WDR31: variants seen among roughly 807,000 people sequenced by gnomAD.
The protein encoded by WDR31 is WD repeat-containing protein 31.
Under a neutral mutation model 47.3 loss-of-function variants are expected in WDR31, and 30 were observed. That is an observed-to-expected ratio of 0.63 (90% CI 0.47 to 0.86). The LOEUF is 0.86. Among genes scored for constraint, WDR31 ranks in the 40% least tolerant of loss-of-function variants. The probability of loss-of-function intolerance (pLI) is 0.00; values close to 1 mark genes in which losing one functional copy is unlikely to be tolerated. For synonymous variants in WDR31, 137 were observed against 159.4 expected (o/e 0.86, Z 1.06); for missense variants, 406 against 442.9 (o/e 0.92, Z 0.75).
chr9:113,329,048 A>C, intron 4 of WDR31, 93 bp from the exon 5 acceptor site: 1 of 1,176,094 alleles, frequency 8.5e-7, no homozygotes, highest in Non-Finnish European at 1.3e-6. Context: ...CTCCCTCCTC[A>C]CTCACTCCCT....
At chr9:113,331,809 G>A in intron 3 of WDR31, 98 bp downstream of exon 3, 1 of 1,105,238 alleles carries the variant, frequency 9.0e-7, no homozygotes, top group South Asian at 1.4e-5. Context: ...ACTATTCAGG[G>A]AAGGCCATCA....
At chr9:113,324,224 C>T (rs527733287) in intron 5 of WDR31, among the ~76,000 whole-genome samples, 2 of 152,014 alleles carry the variant, frequency 1.3e-5, no homozygotes, top group Middle Eastern at 3.2e-3. Context: ...TCCCCGCAGC[C>T]GCTGGCACCC....
At chr9:113,339,574 G>A (rs1176646760) in intron 1 of WDR31, among the ~76,000 whole-genome samples, 1 of 152,144 alleles carries the variant, frequency 6.6e-6, no homozygotes, top group Admixed American at 6.5e-5. Context: ...GAATAAGAGG[G>A]TCTTGCCTAG....
At chr9:113,326,444 TTCTC>T (rs1022034820) in intron 5 of WDR31, among the ~76,000 whole-genome samples, 16 of 150,788 alleles carry the variant, frequency 1.1e-4, no homozygotes, top group Admixed American at 3.9e-4. Context: ...TCTCTCTTCT[TTCTC>T]TCTCTCTCTC....
chr9:113,331,171 G>T, intron 3 of WDR31, 55 bp from the exon 4 acceptor site: 2 of 1,280,994 alleles, frequency 1.6e-6, no homozygotes, highest in Non-Finnish European at 2.1e-6. Flanking sequence ...GATGGGGGTG[G>T]GGTGGGGTGG....
In WDR31 at chr9:113,314,837, A is replaced by G. The variant is rs972565855; in HGVS notation, c.*1912T>C. On this transcript the variant is annotated 3_prime_UTR_variant, in exon 11 of 11. Transcript: ENST00000374193. ...CTCCATGTTGGTCAGGCTGGTCTCA[A>G]ACTCCTGACCTCAGGTGATCCTCCT... The G allele has an allele frequency of 9.9e-5, 15 of 151,678 alleles. No homozygotes were observed. The highest frequency in any genetic ancestry group is 3.6e-4 in the African/African-American group (15 of 41,266). The allele number at this position is 151,678 out of a possible 1,614,324, so 9.4% of individuals were successfully genotyped here.
chr9:113,330,583 C>T (rs932358717), intron 4 of WDR31, among the ~76,000 whole-genome samples: 1 of 152,178 alleles, frequency 6.6e-6, no homozygotes, highest in Non-Finnish European at 1.5e-5. Flanking sequence ...AGAGATTAGA[C>T]AGTTCCTTTT....
Position 113,331,932 on chromosome 9 carries a change from G to C in WDR31, c.91C>G (p.Leu31Val). Residue 31 changes from leucine (L) to valine (V), a missense_variant, in exon 3 of 11, where the codon CTC becomes GTC. Coordinates refer to ENST00000374193, the MANE Select transcript of WDR31 (RefSeq NM_001012361.4). ...CVVMGKQQSK[L>V]KHSTYKYGRP... is the part of the protein sequence containing the mutation. ...CCGTATTTATAAGTGCTGTGTTTGA[G>C]TTTGCTTTGCTGTTTCCCCATCACG... is the stretch of plus-strand genomic sequence containing the variant. 6.2e-7 allele frequency: 1 copy of C among 1,613,878 alleles called. No individual in the cohort carries two copies. Among genetic ancestry groups the C allele is most frequent in the Non-Finnish European group, 8.5e-7 (1 of 1,179,830 alleles).
At chr9:113,321,637 C>A (rs1833330328) in intron 7 of WDR31, 59 bp from the exon 8 acceptor site, 1 of 1,517,684 alleles carries the variant, frequency 6.6e-7, no homozygotes, top group South Asian at 1.2e-5. Flanking sequence ...TGCTGTAATT[C>A]CTGTCAAATG....
chr9:113,323,142 G>C lies in WDR31; in HGVS notation c.338C>G (p.Pro113Arg), dbSNP rs778936055. 1 of 1,613,778 alleles carries C rather than the reference G, an allele frequency of 6.2e-7. No individual in the cohort carries two copies. Among genetic ancestry groups the C allele is most frequent in the Non-Finnish European group, 8.5e-7 (1 of 1,179,890 alleles). The change falls in exon 6 of 11, where the codon CCC becomes CGC. Residue 113 changes from proline (P) to arginine (R), a missense_variant. Coordinates refer to ENST00000374193, the MANE Select transcript of WDR31 (RefSeq NM_001012361.4). ...GGCACTGAAGAACTGGCTGGATTTG[G>C]GAATACAGGCTACCTGCTCAGGGAA... is the stretch of plus-strand genomic sequence containing the variant. ...EHEITKVACI[P>R]KSSQFFSASR...
chr9:113,331,871 G>T, intron 3 of WDR31, 36 bp downstream of exon 3: 1 of 1,595,246 alleles, frequency 6.3e-7, no homozygotes, highest in South Asian at 1.1e-5. Flanking sequence ...AATGGGGCAT[G>T]ATAAAACCTG....
At chr9:113,329,188 G>A (rs758899855) in intron 4 of WDR31, among the ~76,000 whole-genome samples, 4 of 152,188 alleles carry the variant, frequency 2.6e-5, no homozygotes, top group Non-Finnish European at 4.4e-5. Flanking sequence ...CTGGACCACT[G>A]CTCTAAACTT....
intron 2 of WDR31, among the ~76,000 whole-genome samples, chr9:113,334,395 A>C (rs1247213011): frequency 6.6e-6 from 1 of 152,186 alleles, no homozygotes; most frequent in African/African-American, 2.4e-5. Flanking sequence ...ACTTCTTCCA[A>C]TTAAATATTT....
intron 7 of WDR31, among the ~76,000 whole-genome samples, chr9:113,322,037 T>C (rs192485308): frequency 3.2e-4 from 48 of 151,932 alleles, no homozygotes; most frequent in African/African-American, 1.1e-3. Context: ...TCCACCAATA[T>C]AGAGGGCATG....
intron 10 of WDR31, among the ~76,000 whole-genome samples, chr9:113,317,980 C>A (rs1328980595): frequency 5.9e-5 from 9 of 152,246 alleles, no homozygotes; most frequent in Admixed American, 5.9e-4. Context: ...TCCAGCAGAT[C>A]CAGGACTCTG....
At position 113,316,853 on chromosome 9, in the gene WDR31, C is replaced by A; in HGVS notation, c.1000G>T (p.Gly334Cys). The change falls in exon 11 of 11, where the codon GGT becomes TGT. Residue 334 changes from glycine (G) to cysteine (C), a missense_variant. Coordinates refer to ENST00000374193, the MANE Select transcript of WDR31 (RefSeq NM_001012361.4). ...GCACACAATAAGGAGATGGCGTCACCAACAGCCAGAGAAGTCAAGGGTCCT... is the reference window on the plus strand; with the variant it reads ...GCACACAATAAGGAGATGGCGTCACAAACAGCCAGAGAAGTCAAGGGTCCT... ...GSGPLTSLAV[G>C]DAISLLCASF... 1 of 1,614,090 alleles carries A rather than the reference C, an allele frequency of 6.2e-7. No homozygotes were observed. The highest frequency in any genetic ancestry group is 8.5e-7 in the Non-Finnish European group (1 of 1,180,018).
intron 7 of WDR31, among the ~76,000 whole-genome samples, chr9:113,321,981 TCCAAAATAAC>T (rs2118789371): frequency 6.6e-6 from 1 of 152,174 alleles, no homozygotes; most frequent in East Asian, 1.9e-4. Context: ...TAAAATAGTT[TCCAAAATAAC>T]CCGAAATAAC....
rs772417576 is a variant in WDR31, at chr9:113,320,330, A to T, written c.780+27T>A. ...AAGTGATCTGTTCATCAGCAACCAG[A>T]TACCTGGACCTCACACAGTCTCCTA... On this transcript the variant is annotated intron_variant, in intron 9 of 10. Transcript: ENST00000374193. The T allele has an allele frequency of 1.9e-6, 3 of 1,612,056 alleles. No individual in the cohort carries two copies. In the Admixed American group the frequency reaches 5.0e-5, roughly 27 times the overall value.
At chr9:113,333,576 T>G (rs928871854) in intron 2 of WDR31, among the ~76,000 whole-genome samples, 35 of 151,096 alleles carry the variant, frequency 2.3e-4, no homozygotes, top group African/African-American at 8.0e-4. Flanking sequence ...AGAGACGGGG[T>G]TTCACCTTGT....
Sources: gnomAD v4.1 joint callset for allele counts (sites outside exome capture counted in the v4.1 genomes callset) on GRCh38, gnomAD v4.1.1 for gene constraint, MANE v1.5 for transcripts, NCBI Gene and HGNC (gene_info 2026-07-23, HGNC 2026-07-21) for gene names.